The following ABCA6 variants were observed in gnomAD, a reference collection of about 807,000 sequenced individuals.
ABCA6 encodes the protein ATP-binding cassette sub-family A member 6.
In ABCA6, 164 loss-of-function variants were observed where a neutral mutation model predicts 191.2. The observed-to-expected ratio is 0.86, with a 90% CI of 0.76 to 0.98. The LOEUF (loss-of-function observed/expected upper bound fraction) is 0.98. Ranked by LOEUF, ABCA6 falls within the 50% of genes least tolerant of loss-of-function variation. The probability of loss-of-function intolerance (pLI) is 0.00; values close to 1 mark genes in which losing one functional copy is unlikely to be tolerated. For missense variants in ABCA6, 1,958 were observed against 1,894.1 expected (o/e 1.03, Z -0.63); for synonymous variants, 636 against 647.7 (o/e 0.98, Z 0.27).
In ABCA6 at chr17:69,078,943, G is replaced by A. The variant is rs2072557732; in HGVS notation, c.*30C>T. 4 of 1,424,706 alleles carry A rather than the reference G, an allele frequency of 2.8e-6. No homozygotes were observed. The highest frequency in any genetic ancestry group is 2.9e-6 in the Non-Finnish European group (3 of 1,027,080). 88.3% of individuals were successfully genotyped at this position (1,424,706 alleles called of 1,614,324 possible). On this transcript the variant is annotated 3_prime_UTR_variant, in exon 39 of 39. Coordinates refer to ENST00000284425, the MANE Select transcript of ABCA6 (RefSeq NM_080284.3). ...TTACATAAAACATGAGTTTATAGGA[G>A]ATCAACAAAAAATTACTAGGTTTGA...
At chr17:69,105,886 C>T (rs2073290798) in intron 19 of ABCA6, 142 bp downstream of exon 19, 3 of 924,618 alleles carry the variant, frequency 3.2e-6, no homozygotes. Context: ...CAGGTATTCC[C>T]ACTGTCAGAA....
chr17:69,123,905 T>C (rs529648776), intron 9 of ABCA6, among the ~76,000 whole-genome samples: 6 of 152,150 alleles, frequency 3.9e-5, no homozygotes, highest in South Asian at 2.1e-4. Flanking sequence ...CCAATAAACA[T>C]ATTTATTAAA....
chr17:69,086,051 G>A (rs974167429), intron 30 of ABCA6, among the ~76,000 whole-genome samples: 1 of 151,948 alleles, frequency 6.6e-6, no homozygotes, highest in Non-Finnish European at 1.5e-5. Flanking sequence ...GAGAAGTTAG[G>A]GATATTTTCT....
At chr17:69,135,945 G>A (rs1278845924) in intron 4 of ABCA6, 147 bp downstream of exon 4, 2 of 767,814 alleles carry the variant, frequency 2.6e-6, no homozygotes, top group South Asian at 3.7e-5. Context: ...AGGAACATAC[G>A]ATTGACCTTG....
chr17:69,117,532 C>T (rs866062350), intron 11 of ABCA6, among the ~76,000 whole-genome samples: 3 of 151,936 alleles, frequency 2.0e-5, no homozygotes, highest in Non-Finnish European at 2.9e-5. Flanking sequence ...TTAACCTCAC[C>T]AGTACATATA....
chr17:69,124,877 C>T lies in ABCA6; in HGVS notation c.1267+11G>A. On this transcript the variant is annotated intron_variant, in intron 9 of 38. Transcript: ENST00000284425. ...ACTGTAGAGGACAGAGAAAAACTCA[C>T]TATTACTTACAGGGTAAAATTTTGT... The T allele has an allele frequency of 6.5e-7, 1 of 1,529,978 alleles. No homozygotes were observed. Among genetic ancestry groups the T allele is most frequent in the Non-Finnish European group, 8.8e-7 (1 of 1,132,470 alleles). The allele number at this position is 1,529,978 out of a possible 1,614,324, so 94.8% of individuals were successfully genotyped here. A position where few individuals can be genotyped will look rare whatever the true frequency, so the allele number is the denominator to read the frequency against.
intron 36 of ABCA6, among the ~76,000 whole-genome samples, chr17:69,082,143 GA>G (rs1286167590): frequency 6.6e-6 from 1 of 152,138 alleles, no homozygotes; most frequent in Non-Finnish European, 1.5e-5. Context: ...AAACGTCTGG[GA>G]ATGGGACAAA....
In ABCA6 at chr17:69,136,153, G is replaced by C; in HGVS notation, c.399C>G (p.Phe133Leu). The stretch of plus-strand genomic sequence containing the variant: ...CCTGGAAAAATATTAACTTATAAGA[G>C]AAAGTTTCATTAAAGATGATTCCCA... ...YAMGIIFNET[F>L]SYKLIFFQGY... The change falls in exon 4 of 39, where the codon TTC becomes TTG. Residue 133 changes from phenylalanine (F) to leucine (L), a missense_variant. By Grantham distance (22) the Phe-to-Leu change is conservative (BLOSUM62 0). Coordinates refer to ENST00000284425, the MANE Select transcript of ABCA6 (RefSeq NM_080284.3). 6.2e-7 allele frequency: 1 copy of C among 1,607,538 alleles called. No homozygotes were observed. Among genetic ancestry groups the C allele is most frequent in the Non-Finnish European group, 8.5e-7 (1 of 1,176,366 alleles).
chr17:69,113,143 G>A (rs1012090667), intron 15 of ABCA6, 79 bp downstream of exon 15: 3 of 1,490,928 alleles, frequency 2.0e-6, no homozygotes, highest in African/African-American at 1.4e-5. Context: ...TGAGAGCAGG[G>A]CTCTTACCCT....
intron 17 of ABCA6, chr17:69,108,585 T>C (rs183890886): frequency 3.3e-5 from 5 of 152,338 alleles, no homozygotes; most frequent in East Asian, 1.9e-4. Flanking sequence ...GTGCCATTTA[T>C]ATAATAGTTT....
intron 4 of ABCA6, 57 bp downstream of exon 4, chr17:69,136,035 G>A (rs777959750): frequency 3.9e-6 from 6 of 1,524,626 alleles, no homozygotes; most frequent in Non-Finnish European, 3.6e-6. Flanking sequence ...AACCTCCTCT[G>A]TTCTTTATGT....
At chr17:69,089,075 A>G (rs552372270) in intron 27 of ABCA6, among the ~76,000 whole-genome samples, 1 of 152,346 alleles carries the variant, frequency 6.6e-6, no homozygotes, top group South Asian at 2.1e-4. Flanking sequence ...TAGGATTCAA[A>G]GACAGTAGTT....
At chr17:69,138,026 A>G (rs1031226918) in intron 2 of ABCA6, among the ~76,000 whole-genome samples, 1 of 152,174 alleles carries the variant, frequency 6.6e-6, no homozygotes, top group African/African-American at 2.4e-5. Flanking sequence ...GTGGAACCGA[A>G]TGATTTCCTG....
rs748681387 is a variant in ABCA6 at position 69,124,883 on chromosome 17, C to T, written c.1267+5G>A. 14 of 1,544,036 alleles carry T rather than the reference C, an allele frequency of 9.1e-6. No homozygotes were observed. The highest frequency in any genetic ancestry group is 1.2e-5 in the Non-Finnish European group (14 of 1,143,000). On this transcript the variant is annotated splice_donor_5th_base_variant and intron_variant, in intron 9 of 38. Transcript: ENST00000284425. ...GAGGACAGAGAAAAACTCACTATTA[C>T]TTACAGGGTAAAATTTTGTCAAAGT...
chr17:69,083,173 A>G (rs2072683179), intron 35 of ABCA6, 39 bp downstream of exon 35: 1 of 1,566,006 alleles, frequency 6.4e-7, no homozygotes. Context: ...GGGAAATCTC[A>G]TTTTGAGCAT....
In ABCA6 at chr17:69,078,911, T is replaced by C. The variant is rs2072556776; in HGVS notation, c.*62A>G. On this transcript the variant is annotated 3_prime_UTR_variant, in exon 39 of 39. Transcript: ENST00000284425. Reference sequence around the variant, plus strand: ...ATGATCTTTAAAATTAAACATACTATTAATTATTACATAAAACATGAGTTT... The same window carrying C: ...ATGATCTTTAAAATTAAACATACTACTAATTATTACATAAAACATGAGTTT... 2.1e-6 allele frequency: 2 copies of C among 943,828 alleles called. No homozygotes were observed. Among genetic ancestry groups the C allele is most frequent in the Non-Finnish European group, 3.1e-6 (2 of 642,290 alleles). The allele number at this position is 943,828 out of a possible 1,614,324, so 58.5% of individuals were successfully genotyped here.
rs2073212524 is a variant in ABCA6, at chr17:69,102,890, TTTCTGTTTTC to T, written c.2809_2818del (p.Glu937MetfsTer13). On this transcript the variant is annotated frameshift_variant, in exon 21 of 39. Transcript: ENST00000284425. LOFTEE classifies it high-confidence loss of function. ...ATTGTATGAGAGGCCATCAGTACCA[TTTCTGTTTTC>T]AAAGTCATCTACTTCCAAAAGTATA... The T allele has an allele frequency of 6.2e-7, 1 of 1,602,152 alleles. No individual in the cohort carries two copies. Among genetic ancestry groups the T allele is most frequent in the South Asian group, 1.1e-5 (1 of 88,120 alleles).
At chr17:69,111,081 TA>T in intron 16 of ABCA6, 141 bp from the exon 17 acceptor site, 1 of 702,916 alleles carries the variant, frequency 1.4e-6, no homozygotes, top group South Asian at 2.6e-5. Flanking sequence ...ACTAACATGA[TA>T]GTAATCTATC....
chr17:69,107,810 G>T lies in ABCA6; in HGVS notation c.2275C>A (p.Leu759Ile), dbSNP rs749975370. The change falls in exon 18 of 39, where the codon CTT becomes ATT. Residue 759 changes from leucine to isoleucine, a missense_variant and splice_region_variant. By Grantham distance (5) the Leu-to-Ile change is conservative (BLOSUM62 2). Transcript: ENST00000284425. ...GAACACTTATCCAGATCACTGAAAA[G>T]ATCTAAGGCAAAAAAATATGAATAG... ...PLERTNTFPD[L>I]FSDLDKCSDQ... The T allele has an allele frequency of 2.5e-6, 4 of 1,583,704 alleles. No homozygotes were observed. Among genetic ancestry groups the T allele is most frequent in the South Asian group, 1.1e-5 (1 of 88,244 alleles).
Sources: gnomAD v4.1 joint callset for allele counts (sites outside exome capture counted in the v4.1 genomes callset) on GRCh38, gnomAD v4.1.1 for gene constraint, MANE v1.5 for transcripts, NCBI Gene and HGNC (gene_info 2026-07-23, HGNC 2026-07-21) for gene names.